Variants in RBFOX1 observed in about 807,000 individuals in gnomAD.
RBFOX1 encodes the protein RNA binding protein fox-1 homolog 1.
Under a neutral mutation model 57.7 loss-of-function variants are expected in RBFOX1, and 8 were observed. That is an observed-to-expected ratio of 0.14 (90% CI 0.08 to 0.25). The LOEUF is 0.25. Among genes scored for constraint, RBFOX1 ranks in the 10% least tolerant of loss-of-function variants. The pLI is 1.00. For missense variants in RBFOX1, 611 were observed against 548.5 expected (o/e 1.11, Z -1.14); for synonymous variants, 326 against 222.4 (o/e 1.47, Z -4.15).
chr16:6,590,353 T>C (rs1170149421), intron 2 of RBFOX1, among the ~76,000 whole-genome samples: 1 of 152,226 alleles, frequency 6.6e-6, no homozygotes, highest in East Asian at 1.9e-4. Context: ...TCATTTTTGT[T>C]GTTTCTTCCC....
chr16:7,054,091 C>G (rs572806007), intron 4 of RBFOX1, among the ~76,000 whole-genome samples: 40 of 150,750 alleles, frequency 2.7e-4, no homozygotes, highest in African/African-American at 8.5e-4. Context: ...TTTTTGTTCT[C>G]TGTCTTTCCA....
chr16:5,412,755 A>G (rs1346598663), intron 1 of RBFOX1, among the ~76,000 whole-genome samples: 2 of 152,258 alleles, frequency 1.3e-5, no homozygotes, highest in African/African-American at 2.4e-5. Flanking sequence ...AAAATCAAGC[A>G]CAGGGAGGCT....
At chr16:7,192,354 T>C (rs769667917) in intron 4 of RBFOX1, among the ~76,000 whole-genome samples, 1 of 152,146 alleles carries the variant, frequency 6.6e-6, no homozygotes, top group Non-Finnish European at 1.5e-5. Context: ...GGGTGAGAAA[T>C]TGGCTGAACT....
chr16:5,738,098 C>T (rs139088437), intron 3 of RBFOX1, among the ~76,000 whole-genome samples: 1 of 148,982 alleles, frequency 6.7e-6, no homozygotes, highest in South Asian at 2.1e-4. Context: ...TGAGTGAGAA[C>T]ATGCAGTGTT....
intron 4 of RBFOX1, among the ~76,000 whole-genome samples, chr16:7,324,885 A>G (rs1162517341): frequency 6.6e-6 from 1 of 152,156 alleles, no homozygotes; most frequent in Non-Finnish European, 1.5e-5. Context: ...AAAAACCATA[A>G]ATTGAACTTG....
intron 1 of RBFOX1, among the ~76,000 whole-genome samples, chr16:6,074,116 T>A (rs889043466): frequency 1.8e-4 from 27 of 152,120 alleles, no homozygotes; most frequent in Non-Finnish European, 2.9e-4. Context: ...GCCTGGCTAA[T>A]TTTTTGTAGT....
chr16:6,631,194 A>C (rs537858846), intron 2 of RBFOX1, among the ~76,000 whole-genome samples: 5 of 152,254 alleles, frequency 3.3e-5, no homozygotes, highest in African/African-American at 1.2e-4. Context: ...GAAATTGTGA[A>C]TCTGAGAAAG....
At chr16:6,558,447 G>T (rs1425900029) in intron 2 of RBFOX1, among the ~76,000 whole-genome samples, 1 of 152,098 alleles carries the variant, frequency 6.6e-6, no homozygotes. Flanking sequence ...TGGATTTCCT[G>T]ACAGGAAATG....
chr16:6,613,089 C>T (rs1306846196), intron 2 of RBFOX1, among the ~76,000 whole-genome samples: 2 of 151,216 alleles, frequency 1.3e-5, no homozygotes, highest in Non-Finnish European at 2.9e-5. Context: ...TACTGTGGTA[C>T]AGGAACTGTC....
intron 5 of RBFOX1, among the ~76,000 whole-genome samples, chr16:7,549,113 C>G (rs576869157): frequency 6.6e-6 from 1 of 152,332 alleles, no homozygotes; most frequent in South Asian, 2.1e-4. Context: ...AGGATCCAGT[C>G]TGGTAAACAG....
At chr16:5,256,827 G>T (rs918109199) in intron 1 of RBFOX1, among the ~76,000 whole-genome samples, 1 of 152,028 alleles carries the variant, frequency 6.6e-6, no homozygotes, top group Admixed American at 6.5e-5. Flanking sequence ...CCAACTACTC[G>T]GGAGGCTGAG....
intron 2 of RBFOX1, among the ~76,000 whole-genome samples, chr16:6,408,767 A>T (rs996498189): frequency 6.6e-6 from 1 of 152,184 alleles, no homozygotes; most frequent in Non-Finnish European, 1.5e-5. Flanking sequence ...ACAACAAGTC[A>T]GGTGACCTCA....
intron 1 of RBFOX1, among the ~76,000 whole-genome samples, chr16:6,243,259 C>T (rs1296233819): frequency 1.3e-5 from 2 of 152,120 alleles, no homozygotes; most frequent in Admixed American, 6.5e-5. Context: ...TTCCACTCTA[C>T]ATCTTCACAT....
At chr16:7,092,930 G>C (rs2061104396) in intron 4 of RBFOX1, among the ~76,000 whole-genome samples, 1 of 152,050 alleles carries the variant, frequency 6.6e-6, no homozygotes, top group South Asian at 2.1e-4. Context: ...TTTTTTCCAA[G>C]TTAGTTGACG....
intron 3 of RBFOX1, among the ~76,000 whole-genome samples, chr16:5,784,902 G>A (rs2054448690): frequency 6.6e-6 from 1 of 152,126 alleles, no homozygotes; most frequent in Non-Finnish European, 1.5e-5. Context: ...CAGCCTCAGA[G>A]CTTTGAGCAA....
At chr16:7,616,401 G>C (rs560899542) in intron 10 of RBFOX1, among the ~76,000 whole-genome samples, 361 of 152,218 alleles carry the variant, frequency 2.4e-3, no homozygotes, top group South Asian at 6.6e-3. Flanking sequence ...TTTTGTTAGT[G>C]GTTACTCACA....
chr16:5,440,356 G>C (rs1173410961), intron 1 of RBFOX1, among the ~76,000 whole-genome samples: 1 of 152,128 alleles, frequency 6.6e-6, no homozygotes, highest in East Asian at 1.9e-4. Flanking sequence ...TCTTTAGAAA[G>C]AATTTCTGCC....
At chr16:6,526,803 C>G (rs1175101511) in intron 2 of RBFOX1, among the ~76,000 whole-genome samples, 1 of 121,948 alleles carries the variant, frequency 8.2e-6, no homozygotes, top group African/African-American at 3.1e-5. Context: ...ACACTCCACC[C>G]TTGGCAACAG....
chr16:5,377,030 A>T (rs981169764), intron 1 of RBFOX1, among the ~76,000 whole-genome samples: 1 of 151,600 alleles, frequency 6.6e-6, no homozygotes, highest in South Asian at 2.1e-4. Context: ...TCATCTCAGG[A>T]TCCACTTCTG....
Sources: gnomAD v4.1 joint callset for allele counts (sites outside exome capture counted in the v4.1 genomes callset) on GRCh38, gnomAD v4.1.1 for gene constraint, MANE v1.5 for transcripts, NCBI Gene and HGNC (gene_info 2026-07-23, HGNC 2026-07-21) for gene names.